The following CNTN5 variants were observed in gnomAD, a reference collection of about 807,000 sequenced individuals.
CNTN5 encodes the protein contactin-5.
CNTN5 carries 77 observed loss-of-function variants against 129.1 expected under a neutral mutation model. The ratio of observed to expected loss-of-function variants is 0.60; its 90% confidence interval spans 0.50 to 0.72. The LOEUF is 0.72. CNTN5 is among the 30% of genes least tolerant of loss of function. CNTN5 has a pLI of 0.00. For synonymous variants in CNTN5, 509 were observed against 465.6 expected, an observed-to-expected ratio of 1.09 and a Z score of -1.20; for missense variants, 1,478 against 1,328.8, an observed-to-expected ratio of 1.11 and a Z score of -1.75.
chr11:99,878,792 T>C (rs1948698741), intron 6 of CNTN5, among the ~76,000 whole-genome samples: 1 of 151,594 alleles, frequency 6.6e-6, no homozygotes, highest in Non-Finnish European at 1.5e-5. Context: ...GAGGCAGAGG[T>C]TGCAGTGAGC....
At chr11:99,191,256 G>T (rs1858628158) in intron 1 of CNTN5, among the ~76,000 whole-genome samples, 1 of 151,444 alleles carries the variant, frequency 6.6e-6, no homozygotes, top group Admixed American at 6.6e-5. Context: ...ATTTTGTTGA[G>T]GTTTTTTTCA....
In CNTN5 at chr11:100,346,391, G is replaced by T. The variant is rs183246325; in HGVS notation, c.3031-4311G>T. Among the ~76,000 whole-genome samples the T allele has an allele frequency of 5.3e-5, 8 of 152,156 alleles. No homozygotes were observed. In the East Asian group the frequency reaches 1.2e-3, roughly 22 times the overall value. On this transcript the variant is annotated intron_variant, in intron 23 of 24. Coordinates refer to ENST00000524871, the MANE Select transcript of CNTN5 (RefSeq NM_014361.4). ...TACACGATGAAAGTAATTTACCCAG[G>T]TTATAAAGTAAAAACAACCATTTTA...
At chr11:100,319,131 A>G (rs185490147) in intron 21 of CNTN5, among the ~76,000 whole-genome samples, 398 of 149,496 alleles carry the variant, frequency 2.7e-3, no homozygotes, top group Admixed American at 5.7e-3. Context: ...CACTATCCTG[A>G]CTTCTGTTTT....
chr11:100,113,132 G>T (rs1945710500), intron 13 of CNTN5, among the ~76,000 whole-genome samples: 1 of 151,810 alleles, frequency 6.6e-6, no homozygotes. Flanking sequence ...ATATTGCTGT[G>T]ATCAGACAAC....
intron 3 of CNTN5, among the ~76,000 whole-genome samples, chr11:99,727,504 T>A (rs888034777): frequency 3.3e-5 from 5 of 151,924 alleles, no homozygotes; most frequent in African/African-American, 9.7e-5. Flanking sequence ...TATTATATTA[T>A]CCCATCCTTA....
intron 2 of CNTN5, among the ~76,000 whole-genome samples, chr11:99,523,119 GA>G (rs949343204): frequency 1.3e-5 from 2 of 152,146 alleles, no homozygotes; most frequent in African/African-American, 4.8e-5. Flanking sequence ...TTCAGTACTT[GA>G]AATGACTTTC....
intron 3 of CNTN5, among the ~76,000 whole-genome samples, chr11:99,647,353 C>A (rs78972745): frequency 1.3e-5 from 2 of 151,902 alleles, no homozygotes; most frequent in Non-Finnish European, 2.9e-5. Flanking sequence ...TGGCTACAAA[C>A]GTGGATTTAT....
intron 15 of CNTN5, 89 bp downstream of exon 15, chr11:100,193,752 A>G (rs187751974): frequency 9.3e-7 from 1 of 1,076,190 alleles, no homozygotes; most frequent in African/African-American, 1.7e-5. Context: ...TGAAGTGCTA[A>G]GAAAAAAAAA....
chr11:100,281,118 T>A (rs1178308929), intron 18 of CNTN5, among the ~76,000 whole-genome samples: 1 of 152,176 alleles, frequency 6.6e-6, no homozygotes, highest in East Asian at 1.9e-4. Flanking sequence ...ATAAGAGTAG[T>A]TTATACTCCA....
At chr11:99,859,996 C>T (rs572332222) in intron 6 of CNTN5, among the ~76,000 whole-genome samples, 10 of 152,216 alleles carry the variant, frequency 6.6e-5, no homozygotes, top group Non-Finnish European at 8.8e-5. Context: ...TCAAAAGTCT[C>T]GCCAACATCT....
At position 99,231,190 on chromosome 11, in the gene CNTN5, A is replaced by G. The variant is rs543783816; in HGVS notation, c.-209-94156A>G. Reference sequence around the variant, plus strand: ...ACCCAGTAACGGAATTGCTTAGTCAAATGGTATTTCTGGTTCTAGGTCTTT... The same window carrying G: ...ACCCAGTAACGGAATTGCTTAGTCAGATGGTATTTCTGGTTCTAGGTCTTT... On this transcript the variant is annotated intron_variant, in intron 1 of 24. Coordinates refer to ENST00000524871, the MANE Select transcript of CNTN5 (RefSeq NM_014361.4). Among the ~76,000 whole-genome samples, 29 of 152,254 alleles carry G rather than the reference A, an allele frequency of 1.9e-4. No individual in the cohort carries two copies. The East Asian group carries it at 5.2e-3, about 27-fold the overall frequency.
At chr11:99,934,908 A>G (rs373911197) in intron 7 of CNTN5, among the ~76,000 whole-genome samples, 24,755 of 43,290 alleles carry the variant, frequency 0.57, 4,121 homozygotes, top group East Asian at 0.65. Context: ...GTATATATAT[A>G]TATATATATA....
chr11:99,070,488 A>G (rs1033610189), intron 1 of CNTN5, among the ~76,000 whole-genome samples: 3 of 151,932 alleles, frequency 2.0e-5, no homozygotes, highest in South Asian at 2.1e-4. Context: ...AATCATTTCT[A>G]GTATTTGGCA....
rs191327115 is a variant in CNTN5, at chr11:99,462,074, A to G, written c.-70-94071A>G. ...CCTAAATATTTAGTTTCATTTAAAT[A>G]ACTCAGTGTGGTTTGTGGCTACCAT... On this transcript the variant is annotated intron_variant, in intron 2 of 24. Transcript: ENST00000524871. 3.5e-4 allele frequency among the ~76,000 whole-genome samples: 53 copies of G among 152,270 alleles called. No individual in the cohort carries two copies. The East Asian group carries it at 9.1e-3, about 26-fold the overall frequency.
At chr11:99,700,206 TC>T (rs1205572854) in intron 3 of CNTN5, among the ~76,000 whole-genome samples, 1 of 151,454 alleles carries the variant, frequency 6.6e-6, no homozygotes, top group Non-Finnish European at 1.5e-5. Flanking sequence ...GAGCAAGTTT[TC>T]TTTGGGACTG....
chr11:99,865,602 CAATT>C (rs1282619784), intron 6 of CNTN5, among the ~76,000 whole-genome samples: 1 of 151,566 alleles, frequency 6.6e-6, no homozygotes, highest in African/African-American at 2.4e-5. Context: ...GTAATCTAAA[CAATT>C]ACTTACAATG....
At chr11:100,184,098 G>A (rs561574538) in intron 13 of CNTN5, among the ~76,000 whole-genome samples, 4 of 152,156 alleles carry the variant, frequency 2.6e-5, no homozygotes, top group Middle Eastern at 3.4e-3. Context: ...AACTACTTCC[G>A]TAAATAGCTC....
intron 2 of CNTN5, among the ~76,000 whole-genome samples, chr11:99,473,252 T>A (rs1945244158): frequency 6.6e-6 from 1 of 152,180 alleles, no homozygotes; most frequent in African/African-American, 2.4e-5. Flanking sequence ...TGAAGGCTAT[T>A]AGGATGGATT....
intron 17 of CNTN5, among the ~76,000 whole-genome samples, chr11:100,260,084 T>G: frequency 6.6e-6 from 1 of 151,770 alleles, no homozygotes; most frequent in East Asian, 1.9e-4. Context: ...AAGAATCAAA[T>G]AGACACAATA....
Sources: gnomAD v4.1 joint callset for allele counts (sites outside exome capture counted in the v4.1 genomes callset) on GRCh38, gnomAD v4.1.1 for gene constraint, MANE v1.5 for transcripts, NCBI Gene and HGNC (gene_info 2026-07-23, HGNC 2026-07-21) for gene names.